Variants in NCKAP5 observed in about 807,000 individuals in gnomAD.
NCKAP5 encodes nck-associated protein 5.
NCKAP5 carries 92 observed loss-of-function variants against 167.0 expected under a neutral mutation model. The ratio of observed to expected loss-of-function variants is 0.55; its 90% confidence interval spans 0.47 to 0.66. The LOEUF (loss-of-function observed/expected upper bound fraction) is 0.66. Among genes scored for constraint, NCKAP5 ranks in the 30% least tolerant of loss-of-function variants. The pLI is 0.00. For synonymous variants in NCKAP5, 891 were observed against 877.4 expected (o/e 1.02, Z -0.27); for missense variants, 2,378 against 2,315.0 (o/e 1.03, Z -0.56).
intron 11 of NCKAP5, among the ~76,000 whole-genome samples, chr2:132,841,431 G>T (rs1336615898): frequency 6.6e-6 from 1 of 151,942 alleles, no homozygotes; most frequent in Non-Finnish European, 1.5e-5. Flanking sequence ...TTTTATTAGA[G>T]ATTATTTCTA....
At chr2:132,803,476 T>C (rs1685192065) in intron 11 of NCKAP5, among the ~76,000 whole-genome samples, 1 of 152,220 alleles carries the variant, frequency 6.6e-6, no homozygotes, top group South Asian at 2.1e-4. Context: ...ACAGCTATAT[T>C]CAAAACCTTC....
chr2:133,481,903 C>T (rs1245442423), intron 3 of NCKAP5, among the ~76,000 whole-genome samples: 1 of 152,168 alleles, frequency 6.6e-6, no homozygotes, highest in African/African-American at 2.4e-5. Flanking sequence ...TAACACTACT[C>T]TGCTATCAAA....
rs138707867 is a variant in NCKAP5 at position 133,447,323 on chromosome 2, T to C, written c.69+70135A>G. On this transcript the variant is annotated intron_variant, in intron 3 of 19. Transcript: ENST00000409261. Reference sequence around the variant, plus strand: ...GTCAAGGTCCTTGCACTCGTGCTTTTAGTAAAATAGTCTTACGTAAATAAT... The same window carrying C: ...GTCAAGGTCCTTGCACTCGTGCTTTCAGTAAAATAGTCTTACGTAAATAAT... Among the ~76,000 whole-genome samples, 26 of 152,370 alleles carry C rather than the reference T, an allele frequency of 1.7e-4. No individual in the cohort carries two copies. The East Asian group carries it at 3.5e-3, about 20-fold the overall frequency.
chr2:133,527,753 G>A (rs1033743062), intron 2 of NCKAP5, among the ~76,000 whole-genome samples: 23 of 151,866 alleles, frequency 1.5e-4, no homozygotes, highest in Non-Finnish European at 2.2e-4. Context: ...AGAGGGCAGC[G>A]GGCTAAACTC....
At chr2:133,604,363 G>C in the NCKAP5 span, among the ~76,000 whole-genome samples, 1 of 151,828 alleles carries the variant, frequency 6.6e-6, no homozygotes, top group Non-Finnish European at 1.5e-5. Context: ...ATGCCACCAC[G>C]CCTGGCTAAT....
At chr2:133,480,419 C>A (rs1262062767) in intron 3 of NCKAP5, among the ~76,000 whole-genome samples, 1 of 131,384 alleles carries the variant, frequency 7.6e-6, no homozygotes, top group African/African-American at 2.6e-5. Flanking sequence ...CATGTTCTCC[C>A]AGCTTTTGGT....
At position 133,517,483 on chromosome 2, in the gene NCKAP5, C is replaced by A. The variant is rs1558747120; in HGVS notation, c.44G>T (p.Arg15Met). ...RQLEKRDFGK[R>M]LSLDSSLVEY... ...CACAAGACTGCTGTCTAGAGACAGCCTTTTTCCAAAGTCCCTTTTCTCAAG... is the reference window on the plus strand; with the variant it reads ...CACAAGACTGCTGTCTAGAGACAGCATTTTTCCAAAGTCCCTTTTCTCAAG... Residue 15 changes from arginine to methionine, a missense_variant, in exon 3 of 20, where the codon AGG (arginine) becomes ATG (methionine). Around this residue, in one of 3 missense-constraint regions of NCKAP5, gnomAD observed 1,049 missense variants for 1,023.4 expected, o/e 1.02. Coordinates refer to ENST00000409261, the MANE Select transcript of NCKAP5 (RefSeq NM_207363.3). The A allele has an allele frequency of 8.5e-6, 13 of 1,529,296 alleles. No homozygotes were observed. The highest frequency in any genetic ancestry group is 1.1e-5 in the Non-Finnish European group (12 of 1,133,602). The allele number at this position is 1,529,296 out of a possible 1,614,324, so 94.7% of individuals were successfully genotyped here.
chr2:133,315,157 T>C (rs1474402885), intron 3 of NCKAP5, among the ~76,000 whole-genome samples: 1 of 152,092 alleles, frequency 6.6e-6, no homozygotes, highest in African/African-American at 2.4e-5. Context: ...AATGGATCCT[T>C]CTGGCTGCTG....
At chr2:132,703,954 A>G (rs542412312) in intron 19 of NCKAP5, among the ~76,000 whole-genome samples, 10 of 152,266 alleles carry the variant, frequency 6.6e-5, no homozygotes, top group Middle Eastern at 3.4e-3. Flanking sequence ...CAGTTAAAAA[A>G]TGTACTGAGT....
intron 5 of NCKAP5, among the ~76,000 whole-genome samples, chr2:133,143,121 T>G (rs2083061081): frequency 6.6e-6 from 1 of 152,090 alleles, no homozygotes; most frequent in African/African-American, 2.4e-5. Context: ...GCCTTGAATG[T>G]TATGTACATT....
intron 6 of NCKAP5, among the ~76,000 whole-genome samples, chr2:133,046,432 G>A (rs2079401620): frequency 6.6e-6 from 1 of 152,196 alleles, no homozygotes; most frequent in East Asian, 1.9e-4. Context: ...AGGCTGGAGT[G>A]GAGTGGTGTG....
chr2:133,195,820 T>G (rs750274156), intron 5 of NCKAP5, among the ~76,000 whole-genome samples: 11 of 152,120 alleles, frequency 7.2e-5, no homozygotes, highest in Non-Finnish European at 1.6e-4. Flanking sequence ...AAACTTAGCT[T>G]GTGATATAGT....
At chr2:132,730,412 C>G (rs2105470390) in intron 17 of NCKAP5, among the ~76,000 whole-genome samples, 1 of 152,282 alleles carries the variant, frequency 6.6e-6, no homozygotes. Context: ...AGAGACTCAG[C>G]TGAATCCAGG....
the NCKAP5 span, among the ~76,000 whole-genome samples, chr2:133,589,911 G>T: frequency 6.6e-6 from 1 of 152,246 alleles, no homozygotes; most frequent in Non-Finnish European, 1.5e-5. Flanking sequence ...GGCAAAGTTG[G>T]TTGACTCTCT....
intron 12 of NCKAP5, among the ~76,000 whole-genome samples, chr2:132,794,219 T>C (rs1684308561): frequency 1.3e-5 from 1 of 76,466 alleles, no homozygotes; most frequent in Admixed American, 1.7e-4. Flanking sequence ...TAAAAATGTT[T>C]ATACATATAT....
chr2:133,125,678 C>T (rs1157479310), intron 6 of NCKAP5, among the ~76,000 whole-genome samples: 2 of 152,158 alleles, frequency 1.3e-5, no homozygotes, highest in Non-Finnish European at 2.9e-5. Flanking sequence ...TATTGAAGTG[C>T]TCTCTCAACT....
At chr2:133,295,318 T>C (rs1454549604) in intron 4 of NCKAP5, among the ~76,000 whole-genome samples, 1 of 152,164 alleles carries the variant, frequency 6.6e-6, no homozygotes, top group Non-Finnish European at 1.5e-5. Context: ...CTAAGACAGA[T>C]AGGATTTGGA....
chr2:132,830,106 G>A (rs1360297099), intron 11 of NCKAP5, among the ~76,000 whole-genome samples: 1 of 152,102 alleles, frequency 6.6e-6, no homozygotes, highest in Non-Finnish European at 1.5e-5. Context: ...CCGAAGCAGA[G>A]GAACATTTCT....
rs192675400 is a variant in NCKAP5 at position 133,378,437 on chromosome 2, G to T, written c.70-75327C>A. On this transcript the variant is annotated intron_variant, in intron 3 of 19. Coordinates refer to ENST00000409261, the MANE Select transcript of NCKAP5 (RefSeq NM_207363.3). ...AGTGTAGACTATCAAATTTTGTCAG[G>T]ACAACCAGTTTGGAAAACCTGCATC... 4.8e-3 allele frequency among the ~76,000 whole-genome samples: 732 copies of T among 152,192 alleles called. 6 individuals carry two copies. The highest frequency in any genetic ancestry group is 0.017 in the Middle Eastern group (5 of 294).
Sources: gnomAD v4.1 joint callset for allele counts (sites outside exome capture counted in the v4.1 genomes callset) on GRCh38, gnomAD v4.1.1 for gene constraint, gnomAD v4.1.1 regional missense constraint, MANE v1.5 for transcripts, NCBI Gene and HGNC (gene_info 2026-07-23, HGNC 2026-07-21) for gene names.